Variants in CNBP observed in about 807,000 individuals in gnomAD.
CNBP encodes CCHC-type zinc finger nucleic acid binding protein.
Under a neutral mutation model 21.2 loss-of-function variants are expected in CNBP, and 6 were observed. That is an observed-to-expected ratio of 0.28 (90% CI 0.16 to 0.56). The LOEUF (loss-of-function observed/expected upper bound fraction) is 0.56. CNBP is among the 20% of genes least tolerant of loss of function. The pLI is 0.93. For missense variants in CNBP, 112 were observed against 233.1 expected (o/e 0.48, Z 3.38); for synonymous variants, 61 against 74.9 (o/e 0.81, Z 0.96).
At chr3:129,175,485 G>C (rs1256342006) in intron 1 of CNBP, among the ~76,000 whole-genome samples, 1 of 148,378 alleles carries the variant, frequency 6.7e-6, no homozygotes, top group Non-Finnish European at 1.5e-5. Context: ...GCTGGAGTGC[G>C]GTGGCGCCAT....
chr3:129,172,638 AGGCAGGCAGGCAGG>A (rs1937615337), intron 1 of CNBP, among the ~76,000 whole-genome samples: 2 of 57,086 alleles, frequency 3.5e-5, no homozygotes, highest in Admixed American at 1.8e-4. Flanking sequence ...GCAGGCAGGC[AGGCAGGCAGGCAGG>A]CAGGCAGACA....
At chr3:129,171,797 T>C (rs766082054) in intron 1 of CNBP, 26 bp from the exon 2 acceptor site, 5 of 1,585,502 alleles carry the variant, frequency 3.2e-6, no homozygotes, top group African/African-American at 1.4e-5. Context: ...AGTAACAGCA[T>C]TAAACCACTG....
At position 129,170,574 on chromosome 3, in the gene CNBP, A is replaced by T. The variant is rs879068406; in HGVS notation, c.417-4T>A. 6.2e-7 allele frequency: 1 copy of T among 1,612,918 alleles called. No individual in the cohort carries two copies. ...TACATGACCAGTTTCACCACACCTA[A>T]AAAAGAAATTAAAAGTTTTCACAAT... On this transcript the variant is annotated splice_polypyrimidine_tract_variant and splice_region_variant and intron_variant, in intron 4 of 4. Coordinates refer to ENST00000422453, the MANE Select transcript of CNBP (RefSeq NM_003418.5).
chr3:129,178,659 G>C (rs955216092), intron 1 of CNBP, among the ~76,000 whole-genome samples: 2 of 152,118 alleles, frequency 1.3e-5, no homozygotes, highest in Non-Finnish European at 2.9e-5. Flanking sequence ...CCATACTGGA[G>C]CTTTTGCCCT....
chr3:129,179,242 A>G (rs1005098576), intron 1 of CNBP, among the ~76,000 whole-genome samples: 7 of 151,502 alleles, frequency 4.6e-5, no homozygotes, highest in East Asian at 2.0e-4. Context: ...ATGCCATCGC[A>G]CTCCAGCCTG....
intron 1 of CNBP, among the ~76,000 whole-genome samples, chr3:129,181,418 C>G (rs560324006): frequency 6.6e-6 from 1 of 150,676 alleles, no homozygotes; most frequent in East Asian, 2.0e-4. Context: ...CTTTGAGAGG[C>G]CGAGGGAGTC....
At chr3:129,172,691 G>A (rs771367021) in intron 1 of CNBP, among the ~76,000 whole-genome samples, 1 of 74,612 alleles carries the variant, frequency 1.3e-5, no homozygotes, top group African/African-American at 4.7e-5. Flanking sequence ...CAGACAGACA[G>A]ACAGACACAC....
At chr3:129,179,235 C>G (rs1202446218) in intron 1 of CNBP, among the ~76,000 whole-genome samples, 1 of 151,910 alleles carries the variant, frequency 6.6e-6, no homozygotes, top group African/African-American at 2.4e-5. Context: ...CGAGATCATG[C>G]CATCGCACTC....
At chr3:129,179,748 C>T (rs1162737618) in intron 1 of CNBP, among the ~76,000 whole-genome samples, 1 of 152,156 alleles carries the variant, frequency 6.6e-6, no homozygotes, top group Admixed American at 6.5e-5. Flanking sequence ...AAGAGAATCG[C>T]TTGAACCCAG....
rs1434491550 is a variant in CNBP, at chr3:129,171,520, G to A, written c.143C>T (p.Ser48Leu). ...TSDRGFQFVS[S>L]SLPDICYRCG... ...GCGATAACAAATGTCTGGAAGAGAC[G>A]AGGAAACAAACTGGAAACCTGTTTT... Residue 48 changes from serine to leucine, a missense_variant, in exon 3 of 5, where the codon TCG (serine) becomes TTG (leucine). Transcript: ENST00000422453. The A allele has an allele frequency of 3.1e-6, 5 of 1,613,908 alleles. No individual in the cohort carries two copies. Among genetic ancestry groups the A allele is most frequent in the East Asian group, 2.2e-5 (1 of 44,898 alleles).
At position 129,181,649 on chromosome 3, in the gene CNBP, C is replaced by CAAAAAAAAA. The variant is rs1367375702; in HGVS notation, c.-15+2126_-15+2127insTTTTTTTTT. Among the ~76,000 whole-genome samples, 609 of 72,196 alleles carry CAAAAAAAAA rather than the reference C, an allele frequency of 8.4e-3. 136 individuals carry two copies. The highest frequency in any genetic ancestry group is 0.032 in the African/African-American group (452 of 14,190). 47.4% of individuals were successfully genotyped at this position (72,196 alleles called of 152,430 possible). On this transcript the variant is annotated intron_variant, in intron 1 of 4. Coordinates refer to ENST00000422453, the MANE Select transcript of CNBP (RefSeq NM_003418.5). The stretch of plus-strand genomic sequence containing the variant: ...TGGGCGACAGAGTGAGACTCCGTCT[C>CAAAAAAAAA]AGAAAAAAAAAAAGAAAAACCCCTG...
chr3:129,172,685 CAGACAG>C (rs1164984061), intron 1 of CNBP, among the ~76,000 whole-genome samples: 3,339 of 113,378 alleles, frequency 0.029, 53 homozygotes, highest in Non-Finnish European at 0.038. Flanking sequence ...GACAGACAGA[CAGACAG>C]ACAGACACAC....
intron 1 of CNBP, among the ~76,000 whole-genome samples, chr3:129,177,825 C>T (rs1938016699): frequency 1.3e-5 from 2 of 152,106 alleles, no homozygotes; most frequent in South Asian, 4.1e-4. Context: ...GGTAGGAGCA[C>T]AGGGCATGTC....
At position 129,168,920 on chromosome 3, in the gene CNBP, C is replaced by T. The variant is rs1300574534; in HGVS notation, c.*1533G>A. ...GACCATCCTGGCTAACACCGTGAAA[C>T]CCCGTCTTTACTAAAAATACAAAAA... On this transcript the variant is annotated 3_prime_UTR_variant, in exon 5 of 5. Coordinates refer to ENST00000422453, the MANE Select transcript of CNBP (RefSeq NM_003418.5). 1.4e-5 allele frequency among the ~76,000 whole-genome samples: 2 copies of T among 142,492 alleles called. No individual in the cohort carries two copies. The highest frequency in any genetic ancestry group is 3.1e-5 in the Non-Finnish European group (2 of 65,350). The allele number at this position is 142,492 out of a possible 152,430, so 93.5% of individuals were successfully genotyped here.
At position 129,169,154 on chromosome 3, in the gene CNBP, G is replaced by T. The variant is rs1424920165; in HGVS notation, c.*1299C>A. On this transcript the variant is annotated 3_prime_UTR_variant, in exon 5 of 5. Coordinates refer to ENST00000422453, the MANE Select transcript of CNBP (RefSeq NM_003418.5). ...ATAAAAATACAAAAAATTAGCGGGG[G>T]GTGGTGGCGGGTGCCTGTAATCCCA... is the stretch of plus-strand genomic sequence containing the variant. 6.6e-6 allele frequency among the ~76,000 whole-genome samples: 1 copy of T among 150,710 alleles called. No homozygotes were observed. The highest frequency in any genetic ancestry group is 1.5e-5 in the Non-Finnish European group (1 of 67,574).
rs7635860 is a variant in CNBP at position 129,180,897 on chromosome 3, G to A, written c.-15+2879C>T. Among the ~76,000 whole-genome samples, 1,449 of 151,840 alleles carry A rather than the reference G, an allele frequency of 9.5e-3. 22 individuals are homozygous for A. Among genetic ancestry groups the A allele is most frequent in the African/African-American group, 0.033 (1,348 of 41,346 alleles). ...TTCACTGCTTTTAGGCACCAGTTTG[G>A]TACTATCCCATATACGTGCCACATA... On this transcript the variant is annotated intron_variant, in intron 1 of 4. Coordinates refer to ENST00000422453, the MANE Select transcript of CNBP (RefSeq NM_003418.5).
rs1938485957 is a variant in CNBP at position 129,183,751 on chromosome 3, GCCGGGCCCCT to G, written c.-15+15_-15+24del. ...CGACCCGCACTGCGGCTCCGTCAGC[GCCGGGCCCCT>G]CCCCCAGCCCTCACCTTCCGCGTCG... On this transcript the variant is annotated intron_variant, in intron 1 of 4. Transcript: ENST00000422453. The G allele has an allele frequency of 6.5e-6, 1 of 152,936 alleles. No homozygotes were observed. Among genetic ancestry groups the G allele is most frequent in the Non-Finnish European group, 1.5e-5 (1 of 68,240 alleles). 9.5% of individuals were successfully genotyped at this position (152,936 alleles called of 1,614,324 possible).
chr3:129,168,855 G>A lies in CNBP; in HGVS notation c.*1598C>T, dbSNP rs1243955988. Among the ~76,000 whole-genome samples, 3 of 151,556 alleles carry A rather than the reference G, an allele frequency of 2.0e-5. No homozygotes were observed. The highest frequency in any genetic ancestry group is 7.3e-5 in the African/African-American group (3 of 41,232). On this transcript the variant is annotated 3_prime_UTR_variant, in exon 5 of 5. Coordinates refer to ENST00000422453, the MANE Select transcript of CNBP (RefSeq NM_003418.5). ...CTCACGCCTGTGATCCCAGCACTTT[G>A]GGAGGCCAAGGCGGGCGGATCACGA...
chr3:129,170,616 C>A, intron 4 of CNBP, 46 bp from the exon 5 acceptor site: 4 of 1,480,528 alleles, frequency 2.7e-6, no homozygotes, highest in Non-Finnish European at 3.8e-6. Context: ...CAGAAAAAAA[C>A]TGTCTACCAA....
Sources: gnomAD v4.1 joint callset for allele counts (sites outside exome capture counted in the v4.1 genomes callset) on GRCh38, gnomAD v4.1.1 for gene constraint, MANE v1.5 for transcripts, NCBI Gene and HGNC (gene_info 2026-07-23, HGNC 2026-07-21) for gene names.